Variants in ARHGEF28 observed in about 807,000 individuals in gnomAD.
ARHGEF28 encodes 190 kDa guanine nucleotide exchange factor.
In ARHGEF28, 152 loss-of-function variants were observed where a neutral mutation model predicts 206.6. That is an observed-to-expected ratio of 0.74 (90% CI 0.64 to 0.84). The LOEUF is 0.84. Ranked by LOEUF, ARHGEF28 falls within the 40% of genes least tolerant of loss-of-function variation. The pLI is 0.00. For missense variants in ARHGEF28, 2,028 were observed against 2,073.2 expected (o/e 0.98, Z 0.42); for synonymous variants, 763 against 776.4 (o/e 0.98, Z 0.29).
chr5:73,794,330 G>A, intron 7 of ARHGEF28, 72 bp from the exon 8 acceptor site: 3 of 1,252,874 alleles, frequency 2.4e-6, no homozygotes, highest in Middle Eastern at 1.8e-4. Context: ...ATTTACACTT[G>A]TCAGCTAGTA....
intron 15 of ARHGEF28, 131 bp downstream of exon 15, chr5:73,857,910 T>A: frequency 2.2e-6 from 3 of 1,385,526 alleles, no homozygotes; most frequent in Non-Finnish European, 2.9e-6. Flanking sequence ...TTATGGAATA[T>A]TGCTAAAGCC....
intron 2 of ARHGEF28, among the ~76,000 whole-genome samples, chr5:73,691,513 C>T (rs1227917825): frequency 2.6e-5 from 4 of 152,144 alleles, no homozygotes; most frequent in African/African-American, 7.2e-5. Context: ...TCTCAGACCT[C>T]ATGCTGGACC....
At chr5:73,817,894 C>T (rs577210430) in intron 9 of ARHGEF28, among the ~76,000 whole-genome samples, 1 of 152,268 alleles carries the variant, frequency 6.6e-6, no homozygotes, top group Admixed American at 6.5e-5. Flanking sequence ...TCCCTCTCCT[C>T]TGTGTATCTT....
At chr5:73,887,788 C>A in intron 26 of ARHGEF28, 109 bp downstream of exon 26, 2 of 894,188 alleles carry the variant, frequency 2.2e-6, no homozygotes, top group Non-Finnish European at 1.6e-6. Flanking sequence ...GAAGTATATG[C>A]TTCTGTTATG....
chr5:73,828,576 T>G (rs1757059527), intron 9 of ARHGEF28, among the ~76,000 whole-genome samples: 1 of 121,808 alleles, frequency 8.2e-6, no homozygotes, highest in South Asian at 2.6e-4. Flanking sequence ...TAAGCCACCT[T>G]TTCTTCCTTT....
intron 9 of ARHGEF28, among the ~76,000 whole-genome samples, chr5:73,800,374 A>G (rs1183630847): frequency 6.6e-6 from 1 of 152,190 alleles, no homozygotes; most frequent in Non-Finnish European, 1.5e-5. Context: ...CCTATGCACA[A>G]GTATTTATTT....
At chr5:73,867,557 G>A (rs1233892326) in intron 18 of ARHGEF28, among the ~76,000 whole-genome samples, 1 of 152,196 alleles carries the variant, frequency 6.6e-6, no homozygotes, top group Admixed American at 6.5e-5. Flanking sequence ...GCTGTAAGGA[G>A]TACAAGCAGT....
chr5:73,862,422 T>C (rs1759455032), intron 16 of ARHGEF28, among the ~76,000 whole-genome samples: 1 of 152,222 alleles, frequency 6.6e-6, no homozygotes, highest in Non-Finnish European at 1.5e-5. Context: ...GTAATGTAGC[T>C]GAAGGATGTT....
intron 33 of ARHGEF28, 125 bp downstream of exon 33, chr5:73,904,530 A>ACCTT (rs1306484364): frequency 9.4e-7 from 1 of 1,060,786 alleles, no homozygotes; most frequent in East Asian, 2.6e-5. Context: ...AAGAATGACA[A>ACCTT]CCTTCTAAGT....
Position 73,931,799 on chromosome 5 carries a change from C to G in ARHGEF28, c.4949-9045C>G, listed in dbSNP as rs562585452. On this transcript the variant is annotated intron_variant, in intron 35 of 35. Transcript: ENST00000513042. ...TGTTTTCTCCAAGTTAGATTTGTCT[C>G]TATTTTAGACTCCTGCTTTCCTATT... Among the ~76,000 whole-genome samples the G allele has an allele frequency of 2.0e-5, 3 of 152,258 alleles. No homozygotes were observed. The South Asian group carries it at 6.2e-4, about 32-fold the overall frequency.
chr5:73,730,378 G>A (rs1297894293), intron 2 of ARHGEF28, among the ~76,000 whole-genome samples: 1 of 152,136 alleles, frequency 6.6e-6, no homozygotes, highest in African/African-American at 2.4e-5. Flanking sequence ...TAGATAGGTA[G>A]GGATGTCCTA....
intron 14 of ARHGEF28, 115 bp from the exon 15 acceptor site, chr5:73,857,541 A>G: frequency 8.8e-7 from 1 of 1,131,582 alleles, no homozygotes; most frequent in South Asian, 2.1e-5. Flanking sequence ...ACCTGAAAAA[A>G]TACATACACA....
At chr5:73,871,420 A>G (rs1292814542) in intron 21 of ARHGEF28, among the ~76,000 whole-genome samples, 1 of 152,204 alleles carries the variant, frequency 6.6e-6, no homozygotes, top group African/African-American at 2.4e-5. Context: ...CCAATTAAAG[A>G]AATTTTTATT....
At chr5:73,794,817 A>T (rs1380160585) in intron 8 of ARHGEF28, among the ~76,000 whole-genome samples, 1 of 152,092 alleles carries the variant, frequency 6.6e-6, no homozygotes, top group Non-Finnish European at 1.5e-5. Context: ...ATGTTGGCCA[A>T]GGTGGTCTCG....
At chr5:73,756,667 A>T (rs1449544998) in intron 4 of ARHGEF28, among the ~76,000 whole-genome samples, 1 of 152,208 alleles carries the variant, frequency 6.6e-6, no homozygotes, top group Non-Finnish European at 1.5e-5. Context: ...GGCTAAGTTT[A>T]GATTGGTAGG....
chr5:73,699,126 G>A lies in ARHGEF28; in HGVS notation c.33+14242G>A, dbSNP rs541426542. ...TGGTGGAATTATTGGTGGCAGAAGA[G>A]GCAGCCCTAGTTTCTCCCCTAGAGC... On this transcript the variant is annotated intron_variant, in intron 2 of 35. Transcript: ENST00000513042. Among the ~76,000 whole-genome samples, 33 of 152,128 alleles carry A rather than the reference G, an allele frequency of 2.2e-4. 1 individual carries two copies. Among genetic ancestry groups the A allele is most frequent in the Admixed American group, 2.0e-4 (3 of 15,256 alleles).
At chr5:73,901,741 A>G (rs1420200757) in intron 31 of ARHGEF28, 1 of 152,730 alleles carries the variant, frequency 6.5e-6, no homozygotes, top group Non-Finnish European at 1.5e-5. Flanking sequence ...ATTTCCTGTC[A>G]CCACCCACAT....
intron 2 of ARHGEF28, among the ~76,000 whole-genome samples, chr5:73,745,078 A>G (rs566883485): frequency 6.6e-6 from 1 of 152,182 alleles, no homozygotes; most frequent in East Asian, 1.9e-4. Context: ...TCTAATTGTC[A>G]TAATTTGAAA....
intron 7 of ARHGEF28, among the ~76,000 whole-genome samples, chr5:73,782,158 G>T (rs1157446620): frequency 1.3e-5 from 2 of 149,280 alleles, no homozygotes; most frequent in Non-Finnish European, 3.0e-5. Context: ...AGTAGTCTTG[G>T]CTGGGCACGG....
Sources: gnomAD v4.1 joint callset for allele counts (sites outside exome capture counted in the v4.1 genomes callset) on GRCh38, gnomAD v4.1.1 for gene constraint, MANE v1.5 for transcripts, NCBI Gene and HGNC (gene_info 2026-07-23, HGNC 2026-07-21) for gene names.